The following KCNJ3 variants were observed in gnomAD, a reference collection of about 807,000 sequenced individuals.
The protein encoded by KCNJ3 is potassium inwardly rectifying channel subfamily J member 3, also known as G protein-activated inward rectifier potassium channel 1.
In KCNJ3, 4 loss-of-function variants were observed where a neutral mutation model predicts 39.2. The observed-to-expected ratio is 0.10, with a 90% CI of 0.05 to 0.23. The LOEUF (loss-of-function observed/expected upper bound fraction) is 0.23. Ranked by LOEUF, KCNJ3 falls within the 10% of genes least tolerant of loss-of-function variation. KCNJ3 has a pLI of 1.00. For missense variants in KCNJ3, 276 were observed against 634.9 expected (o/e 0.43, Z 6.08); for synonymous variants, 230 against 237.4 (o/e 0.97, Z 0.29).
intron 2 of KCNJ3, among the ~76,000 whole-genome samples, chr2:154,807,225 C>G (rs1485326128): frequency 6.6e-6 from 1 of 152,072 alleles, no homozygotes; most frequent in African/African-American, 2.4e-5. Flanking sequence ...TGATTAGTGG[C>G]GTTTCATTAA....
At chr2:154,763,422 C>CTT (rs11405108) in intron 2 of KCNJ3, among the ~76,000 whole-genome samples, 51 of 148,164 alleles carry the variant, frequency 3.4e-4, no homozygotes, top group East Asian at 6.0e-4. Context: ...TCAGCTGCTT[C>CTT]TTTTTTTTTT....
rs371432293 is a variant in KCNJ3, at chr2:154,836,207, CA to C, written c.920-18509del. On this transcript the variant is annotated intron_variant, in intron 2 of 2. Transcript: ENST00000295101. Reference sequence around the variant, plus strand: ...CCTAGGTGACAGAGCAAGACTGTCTCAAAAAAAAAAACAAAAAAAAACAAAA... The same window carrying C: ...CCTAGGTGACAGAGCAAGACTGTCTCAAAAAAAAAACAAAAAAAAACAAAA... Among the ~76,000 whole-genome samples the C allele has an allele frequency of 2.8e-4, 21 of 74,966 alleles. 1 individual carries two copies. The highest frequency in any genetic ancestry group is 8.4e-4 in the East Asian group (3 of 3,554). The allele number at this position is 74,966 out of a possible 152,430, so 49.2% of individuals were successfully genotyped here.
At chr2:154,780,142 G>A (rs1686408976) in intron 2 of KCNJ3, among the ~76,000 whole-genome samples, 1 of 152,118 alleles carries the variant, frequency 6.6e-6, no homozygotes, top group Admixed American at 6.6e-5. Context: ...TTGTGAAGAG[G>A]AGTTTTTGAG....
chr2:154,705,229 T>C (rs575505793), intron 1 of KCNJ3, among the ~76,000 whole-genome samples: 187 of 152,268 alleles, frequency 1.2e-3, no homozygotes, highest in South Asian at 6.0e-3. Flanking sequence ...GATAAATATG[T>C]CCTTGACAAA....
In KCNJ3 at chr2:154,842,633, G is replaced by T. The variant is rs190351532; in HGVS notation, c.920-12094G>T. ...ATGAATCTGAGTGCTCCTGTATTGG[G>T]TGCATATATATTTAGGATAGTTAGC... On this transcript the variant is annotated intron_variant, in intron 2 of 2. Transcript: ENST00000295101. Among the ~76,000 whole-genome samples the T allele has an allele frequency of 2.0e-4, 30 of 152,274 alleles. No homozygotes were observed. In the East Asian group the frequency reaches 3.7e-3, roughly 19 times the overall value.
chr2:154,700,291 A>G (rs1199655059), intron 1 of KCNJ3, among the ~76,000 whole-genome samples: 3 of 152,206 alleles, frequency 2.0e-5, no homozygotes, highest in Non-Finnish European at 2.9e-5. Context: ...TGTAAATGCT[A>G]AAACAAATTG....
intron 2 of KCNJ3, among the ~76,000 whole-genome samples, chr2:154,833,385 T>A (rs1441660598): frequency 2.0e-5 from 3 of 152,214 alleles, no homozygotes; most frequent in Non-Finnish European, 4.4e-5. Flanking sequence ...ATTAATAGAC[T>A]TTAGAGCAGC....
intron 2 of KCNJ3, among the ~76,000 whole-genome samples, chr2:154,785,945 G>A (rs984717221): frequency 6.6e-6 from 1 of 152,158 alleles, no homozygotes; most frequent in Admixed American, 6.5e-5. Context: ...AGAAAACACA[G>A]TTCAGCCCAT....
intron 2 of KCNJ3, among the ~76,000 whole-genome samples, chr2:154,842,224 G>A (rs1427573099): frequency 6.6e-6 from 1 of 152,186 alleles, no homozygotes; most frequent in Non-Finnish European, 1.5e-5. Context: ...GGAGCAAGTT[G>A]TTCAGTTTCC....
intron 2 of KCNJ3, among the ~76,000 whole-genome samples, chr2:154,765,056 G>C (rs570463056): frequency 6.6e-6 from 1 of 152,064 alleles, no homozygotes; most frequent in African/African-American, 2.4e-5. Flanking sequence ...GTAGTTTGTC[G>C]GGGGGAAAGG....
chr2:154,852,574 T>C (rs1421607052), intron 2 of KCNJ3, among the ~76,000 whole-genome samples: 1 of 152,180 alleles, frequency 6.6e-6, no homozygotes, highest in Non-Finnish European at 1.5e-5. Flanking sequence ...TGTTTTACTA[T>C]TTCTTATCTT....
At chr2:154,835,641 A>C (rs1316363932) in intron 2 of KCNJ3, among the ~76,000 whole-genome samples, 1 of 151,972 alleles carries the variant, frequency 6.6e-6, no homozygotes, top group East Asian at 1.9e-4. Context: ...ATATGGCCAA[A>C]GAGCTCGATT....
chr2:154,716,564 T>C (rs1685185014), intron 2 of KCNJ3, among the ~76,000 whole-genome samples: 1 of 152,202 alleles, frequency 6.6e-6, no homozygotes, highest in South Asian at 2.1e-4. Flanking sequence ...ACATTGCTCT[T>C]ATAATTAACA....
At chr2:154,831,399 G>A (rs1466991607) in intron 2 of KCNJ3, among the ~76,000 whole-genome samples, 2 of 151,892 alleles carry the variant, frequency 1.3e-5, no homozygotes, top group Non-Finnish European at 2.9e-5. Context: ...TAATAATTAC[G>A]GTAGTAATAA....
At chr2:154,848,090 A>G (rs1369943145) in intron 2 of KCNJ3, among the ~76,000 whole-genome samples, 2 of 152,160 alleles carry the variant, frequency 1.3e-5, no homozygotes, top group Non-Finnish European at 2.9e-5. Flanking sequence ...AACAACTCAA[A>G]TATATATACA....
intron 2 of KCNJ3, among the ~76,000 whole-genome samples, chr2:154,723,598 C>T (rs1187363691): frequency 1.3e-5 from 2 of 148,444 alleles, no homozygotes; most frequent in Non-Finnish European, 3.0e-5. Context: ...GTAATATTGT[C>T]TTTCTCATTT....
At chr2:154,829,213 ATTATT>A (rs966508073) in intron 2 of KCNJ3, among the ~76,000 whole-genome samples, 18 of 152,222 alleles carry the variant, frequency 1.2e-4, no homozygotes, top group Non-Finnish European at 2.6e-4. Flanking sequence ...TAGTGCACAG[ATTATT>A]TTGTCACCCA....
intron 2 of KCNJ3, among the ~76,000 whole-genome samples, chr2:154,810,373 G>A (rs1226772008): frequency 6.6e-6 from 1 of 151,900 alleles, no homozygotes; most frequent in South Asian, 2.1e-4. Flanking sequence ...CATGAGCCAC[G>A]ACACCCAGCC....
chr2:154,716,888 T>C (rs1685189700), intron 2 of KCNJ3, among the ~76,000 whole-genome samples: 2 of 152,194 alleles, frequency 1.3e-5, no homozygotes, highest in African/African-American at 4.8e-5. Flanking sequence ...TCAGTAAGTG[T>C]TTGTTGATTA....
Sources: allele counts gnomAD v4.1 joint callset (sites outside exome capture counted in the v4.1 genomes callset), GRCh38; gene constraint gnomAD v4.1.1; transcripts MANE v1.5; gene names NCBI Gene and HGNC (gene_info 2026-07-23, HGNC 2026-07-21).